The following C9orf153 variants were observed in gnomAD, a reference collection of about 807,000 sequenced individuals.
C9orf153 encodes the protein chromosome 9 open reading frame 153.
Under a neutral mutation model 9.0 loss-of-function variants are expected in C9orf153, and 10 were observed. The ratio of observed to expected loss-of-function variants is 1.11; its 90% CI spans 0.69 to 1.89. The LOEUF (loss-of-function observed/expected upper bound fraction) is 1.89. Ranked by LOEUF, C9orf153 falls within the 40% of genes most tolerant of loss-of-function variation. The pLI is 0.00. For synonymous variants in C9orf153, 35 were observed against 37.3 expected, an observed-to-expected ratio of 0.94 and a Z score of 0.23; for missense variants, 108 against 111.0, an observed-to-expected ratio of 0.97 and a Z score of 0.12.
intron 1 of C9orf153, among the ~76,000 whole-genome samples, chr9:86,251,378 T>C (rs1044397633): frequency 3.3e-5 from 5 of 152,334 alleles, no homozygotes; most frequent in Admixed American, 3.3e-4. Context: ...TATCATAAAT[T>C]GTTAGTATGT....
chr9:86,227,431 A>G, intron 3 of C9orf153: 1 of 1,449,548 alleles, frequency 6.9e-7, no homozygotes, highest in Non-Finnish European at 9.1e-7. Flanking sequence ...GCAGCCATGA[A>G]CCTCAGAACT....
At chr9:86,240,160 T>G (rs1335963599) in intron 1 of C9orf153, among the ~76,000 whole-genome samples, 1 of 152,154 alleles carries the variant, frequency 6.6e-6, no homozygotes, top group African/African-American at 2.4e-5. Context: ...TTCTGACACA[T>G]GTACAATTAT....
intron 1 of C9orf153, among the ~76,000 whole-genome samples, chr9:86,251,351 A>C (rs1341450526): frequency 1.3e-5 from 2 of 152,158 alleles, no homozygotes; most frequent in Admixed American, 6.5e-5. Flanking sequence ...CTATGTTTCT[A>C]AAAATAATAA....
chr9:86,225,144 G>A (rs374706035), intron 3 of C9orf153, among the ~76,000 whole-genome samples: 3 of 151,914 alleles, frequency 2.0e-5, no homozygotes, highest in African/African-American at 4.8e-5. Flanking sequence ...TTCCTCCCCC[G>A]GTGCTTGGTG....
Position 86,221,539 on chromosome 9 carries a change from C to G in C9orf153, c.*149G>C, listed in dbSNP as rs1824202899. The G allele has an allele frequency of 7.4e-7, 1 of 1,345,702 alleles. No homozygotes were observed. Among genetic ancestry groups the G allele is most frequent in the East Asian group, 2.9e-5 (1 of 34,220 alleles). The allele number at this position is 1,345,702 out of a possible 1,614,324, so 83.4% of individuals were successfully genotyped here. A position where few individuals can be genotyped will look rare whatever the true frequency, so the allele number is the denominator to read the frequency against. ...GAATAACTTCCTTCATTTTGATAAT[C>G]AATTTGAGGATAAATGACCAAAGAC... On this transcript the variant is annotated 3_prime_UTR_variant, in exon 4 of 4. Transcript: ENST00000339137.
intron 1 of C9orf153, among the ~76,000 whole-genome samples, chr9:86,256,066 A>G (rs1825117765): frequency 6.6e-6 from 1 of 152,278 alleles, no homozygotes; most frequent in Admixed American, 6.5e-5. Flanking sequence ...GTGATTCTAC[A>G]GCATTCTGGA....
intron 1 of C9orf153, among the ~76,000 whole-genome samples, chr9:86,240,377 C>CTTTTTTT (rs34559572): frequency 7.4e-6 from 1 of 135,900 alleles, no homozygotes; most frequent in Non-Finnish European, 1.6e-5. Context: ...TCTTCTTTTC[C>CTTTTTTT]TTTTTTTTTT....
chr9:86,246,140 C>T (rs953576285), intron 1 of C9orf153, among the ~76,000 whole-genome samples: 2 of 152,166 alleles, frequency 1.3e-5, no homozygotes, highest in African/African-American at 4.8e-5. Flanking sequence ...GGGTGATTTC[C>T]CTCTGAAGTC....
Position 86,248,791 on chromosome 9 carries a change from G to C in C9orf153, c.-27+10759C>G, listed in dbSNP as rs528785816. The stretch of plus-strand genomic sequence containing the variant: ...CATTTACCCAGAGTCATGAAATGTG[G>C]GCAGGCACTAGGTCAACCTTCTCAT... On this transcript the variant is annotated intron_variant, in intron 1 of 3. Coordinates refer to ENST00000339137, the MANE Select transcript of C9orf153 (RefSeq NM_001276366.4). Among the ~76,000 whole-genome samples the C allele has an allele frequency of 1.3e-4, 20 of 152,180 alleles. 1 individual carries two copies. Among genetic ancestry groups the C allele is most frequent in the African/African-American group, 4.8e-4 (20 of 41,514 alleles).
rs376218398 is a variant in C9orf153, at chr9:86,243,716, C to G, written c.-26-14087G>C. 3.7e-4 allele frequency among the ~76,000 whole-genome samples: 56 copies of G among 152,304 alleles called. 1 individual carries two copies. The East Asian group carries it at 6.9e-3, about 19-fold the overall frequency. ...TCACTTTCTTGCAGGCTTCCAGCAC[C>G]ATCTGGCTACATTGTTCTTAGGCTT... On this transcript the variant is annotated intron_variant, in intron 1 of 3. Transcript: ENST00000339137.
intron 3 of C9orf153, among the ~76,000 whole-genome samples, chr9:86,225,617 C>G (rs964771358): frequency 6.6e-6 from 1 of 152,072 alleles, no homozygotes; most frequent in African/African-American, 2.4e-5. Flanking sequence ...CGCCGCAACG[C>G]CCAGCTAATT....
At chr9:86,249,710 G>A (rs922636482) in intron 1 of C9orf153, among the ~76,000 whole-genome samples, 3 of 152,018 alleles carry the variant, frequency 2.0e-5, no homozygotes, top group Admixed American at 6.6e-5. Context: ...CACCACACTC[G>A]ACTTATTTTT....
chr9:86,243,152 G>GTC (rs1213489598), intron 1 of C9orf153, among the ~76,000 whole-genome samples: 1 of 152,088 alleles, frequency 6.6e-6, no homozygotes, highest in Non-Finnish European at 1.5e-5. Flanking sequence ...GGAGAAATTA[G>GTC]TCTCTATGGA....
intron 1 of C9orf153, among the ~76,000 whole-genome samples, chr9:86,248,200 C>G (rs1215016143): frequency 6.6e-6 from 1 of 151,094 alleles, no homozygotes; most frequent in Non-Finnish European, 1.5e-5. Flanking sequence ...GTGGTGAGAT[C>G]TCGGCTCACT....
At chr9:86,251,397 G>T (rs1473044820) in intron 1 of C9orf153, among the ~76,000 whole-genome samples, 1 of 152,128 alleles carries the variant, frequency 6.6e-6, no homozygotes, top group Non-Finnish European at 1.5e-5. Flanking sequence ...GTGACTAACA[G>T]TTAAAATTGC....
chr9:86,229,505 T>G, intron 2 of C9orf153, 33 bp downstream of exon 2: 1 of 1,445,994 alleles, frequency 6.9e-7, no homozygotes, highest in Non-Finnish European at 9.7e-7. Flanking sequence ...AAGCTCCCTG[T>G]GTACACCTCG....
intron 1 of C9orf153, among the ~76,000 whole-genome samples, chr9:86,231,328 T>C (rs1824463526): frequency 6.6e-6 from 1 of 152,184 alleles, no homozygotes; most frequent in African/African-American, 2.4e-5. Flanking sequence ...AAACTTCACA[T>C]TCTTGGCTTA....
intron 3 of C9orf153, among the ~76,000 whole-genome samples, chr9:86,222,972 C>T (rs1386704175): frequency 6.6e-6 from 1 of 152,164 alleles, no homozygotes; most frequent in Non-Finnish European, 1.5e-5. Flanking sequence ...TTTATATAGA[C>T]TTTGTACATG....
At chr9:86,229,680 T>C (rs1402220162) in intron 1 of C9orf153, 51 bp from the exon 2 acceptor site, 4 of 1,129,228 alleles carry the variant, frequency 3.5e-6, no homozygotes, top group Middle Eastern at 2.0e-4. Flanking sequence ...AAAAATCAGA[T>C]AGAATACAAA....
Sources: gnomAD v4.1 joint callset for allele counts (sites outside exome capture counted in the v4.1 genomes callset) on GRCh38, gnomAD v4.1.1 for gene constraint, MANE v1.5 for transcripts, NCBI Gene and HGNC (gene_info 2026-07-23, HGNC 2026-07-21) for gene names.